TACO1: variants seen among roughly 807,000 people sequenced by gnomAD.
The protein encoded by TACO1 is translational activator of cytochrome c oxidase 1.
Under a neutral mutation model 24.0 loss-of-function variants are expected in TACO1, and 13 were observed. The ratio of observed to expected loss-of-function variants is 0.54; its 90% CI spans 0.35 to 0.86. The LOEUF (loss-of-function observed/expected upper bound fraction) is 0.86. TACO1 is among the 40% of genes least tolerant of loss of function. The pLI, the probability that TACO1 is intolerant of heterozygous loss-of-function variation, is 0.01. For synonymous variants in TACO1, 149 were observed against 153.5 expected, an observed-to-expected ratio of 0.97 and a Z score of 0.22; for missense variants, 352 against 380.1, an observed-to-expected ratio of 0.93 and a Z score of 0.61.
chr17:63,601,397 C>G (rs981541282), intron 1 of TACO1, 34 bp downstream of exon 1: 5 of 1,607,168 alleles, frequency 3.1e-6, no homozygotes, highest in Non-Finnish European at 4.2e-6. Context: ...CACTGGCTGC[C>G]GCTGCCCTCT....
chr17:63,601,295 G>T lies in TACO1; in HGVS notation c.212G>T (p.Gly71Val). 1 of 1,613,028 alleles carries T rather than the reference G, an allele frequency of 6.2e-7. No homozygotes were observed. Among genetic ancestry groups the T allele is most frequent in the Non-Finnish European group, 8.5e-7 (1 of 1,179,960 alleles). The change falls in exon 1 of 5, where the codon GGT becomes GTT. Residue 71 changes from glycine (G) to valine (V), a missense_variant. Coordinates refer to ENST00000258975, the MANE Select transcript of TACO1 (RefSeq NM_016360.4). ...NKWSKVRHIK[G>V]PKDVERSRIF... ...TGGTCCAAAGTCAGGCACATCAAGG[G>T]TCCGAAGGACGTCGAAAGGAGTCGC...
At chr17:63,603,167 C>T (rs1262256713) in intron 1 of TACO1, among the ~76,000 whole-genome samples, 6 of 151,636 alleles carry the variant, frequency 4.0e-5, no homozygotes, top group East Asian at 1.9e-4. Context: ...ACCCAGAAGG[C>T]GGCGCTTGCA....
At chr17:63,604,914 C>T (rs1033982070) in intron 2 of TACO1, among the ~76,000 whole-genome samples, 1 of 151,550 alleles carries the variant, frequency 6.6e-6, no homozygotes, top group African/African-American at 2.4e-5. Flanking sequence ...ACTGGGGAGG[C>T]TGAGGTGGAG....
intron 1 of TACO1, among the ~76,000 whole-genome samples, chr17:63,602,990 C>T (rs1317891738): frequency 6.6e-6 from 1 of 152,104 alleles, no homozygotes; most frequent in Non-Finnish European, 1.5e-5. Context: ...AATCTCAACA[C>T]TTTGGGAGGC....
intron 2 of TACO1, among the ~76,000 whole-genome samples, chr17:63,605,475 CTATG>C (rs1210587893): frequency 6.6e-6 from 1 of 152,148 alleles, no homozygotes; most frequent in Non-Finnish European, 1.5e-5. Flanking sequence ...GATAAAAACT[CTATG>C]TGTGTTATCT....
Position 63,601,241 on chromosome 17 carries a change from C to T in TACO1, c.158C>T (p.Thr53Ile). The change falls in exon 1 of 5, where the codon ACC becomes ATC. Residue 53 changes from threonine to isoleucine, a missense_variant. Thr to Ile is a moderately conservative substitution (Grantham distance 89). Transcript: ENST00000258975. ...GAAPGRTLHF[T>I]AAVPAGHNKW... is the part of the protein sequence containing the mutation. Reference sequence around the variant, plus strand: ...GCTCCGGGCAGGACGCTGCACTTTACCGCGGCTGTCCCCGCCGGGCACAAC... The same window carrying T: ...GCTCCGGGCAGGACGCTGCACTTTATCGCGGCTGTCCCCGCCGGGCACAAC... 1.2e-6 allele frequency: 2 copies of T among 1,606,570 alleles called. No individual in the cohort carries two copies. Among genetic ancestry groups the T allele is most frequent in the Non-Finnish European group, 1.7e-6 (2 of 1,177,050 alleles).
intron 2 of TACO1, among the ~76,000 whole-genome samples, chr17:63,605,364 T>A (rs2033854828): frequency 6.6e-6 from 1 of 152,110 alleles, no homozygotes; most frequent in African/African-American, 2.4e-5. Context: ...AGAGTCCACG[T>A]AAGGGTACAC....
At chr17:63,605,668 A>T (rs2033857160) in intron 2 of TACO1, among the ~76,000 whole-genome samples, 1 of 152,166 alleles carries the variant, frequency 6.6e-6, no homozygotes. Context: ...GGTGGTGGAG[A>T]CAGCAACTAT....
chr17:63,605,921 T>C (rs1490894733), intron 2 of TACO1, among the ~76,000 whole-genome samples: 1 of 152,168 alleles, frequency 6.6e-6, no homozygotes, highest in African/African-American at 2.4e-5. Flanking sequence ...AGGTGTGTGA[T>C]ATTTCACAGC....
At chr17:63,605,459 A>G (rs1187361337) in intron 2 of TACO1, among the ~76,000 whole-genome samples, 1 of 152,246 alleles carries the variant, frequency 6.6e-6, no homozygotes, top group African/African-American at 2.4e-5. Flanking sequence ...CTGCAGGCTA[A>G]GCATGGATAA....
intron 1 of TACO1, 109 bp downstream of exon 1, chr17:63,601,472 G>C: frequency 7.8e-7 from 1 of 1,275,674 alleles, no homozygotes; most frequent in African/African-American, 1.5e-5. Context: ...CCTTCACTTT[G>C]TTTTCCTTCC....
chr17:63,607,161 T>C, intron 3 of TACO1, 126 bp from the exon 4 acceptor site: 1 of 892,708 alleles, frequency 1.1e-6, no homozygotes. Flanking sequence ...GAGGATGCGA[T>C]CTGCTCCATG....
chr17:63,606,835 C>G (rs931685980), intron 3 of TACO1: 8 of 358,690 alleles, frequency 2.2e-5, no homozygotes, highest in African/African-American at 1.5e-4. Flanking sequence ...CCATGCCTGG[C>G]CATGTTTCAG....
chr17:63,608,354 T>C lies in TACO1; in HGVS notation c.*352T>C. On this transcript the variant is annotated 3_prime_UTR_variant, in exon 5 of 5. Coordinates refer to ENST00000258975, the MANE Select transcript of TACO1 (RefSeq NM_016360.4). ...CTGCTCTTAATAATAACGGTGATTA[T>C]TGGTTGCTGCATTGCTGTTGTATGG... The C allele has an allele frequency of 5.5e-6, 2 of 365,888 alleles. No individual in the cohort carries two copies. The highest frequency in any genetic ancestry group is 6.8e-5 in the East Asian group (1 of 14,728). The allele number at this position is 365,888 out of a possible 1,614,324, so 22.7% of individuals were successfully genotyped here.
Position 63,607,789 on chromosome 17 carries a change from C to G in TACO1, c.694-13C>G. 1 of 1,613,400 alleles carries G rather than the reference C, an allele frequency of 6.2e-7. No homozygotes were observed. ...TCCTGGCTCCTCACCTCCTGACTTTCCTTTATCCCTAGTTTATTTGTGATG... is the reference window on the plus strand; with the variant it reads ...TCCTGGCTCCTCACCTCCTGACTTTGCTTTATCCCTAGTTTATTTGTGATG... On this transcript the variant is annotated splice_polypyrimidine_tract_variant and intron_variant, in intron 4 of 4. Transcript: ENST00000258975.
intron 4 of TACO1, 33 bp from the exon 5 acceptor site, chr17:63,607,769 G>C: frequency 6.3e-7 from 1 of 1,599,772 alleles, no homozygotes; most frequent in African/African-American, 1.3e-5. Flanking sequence ...TTACCTCCTG[G>C]CTCCTCACCT....
intron 1 of TACO1, among the ~76,000 whole-genome samples, chr17:63,602,435 T>G (rs1417026532): frequency 6.6e-6 from 1 of 152,154 alleles, no homozygotes. Context: ...ATTCAGTTAA[T>G]GTTAATTTAC....
Position 63,601,194 on chromosome 17 carries a change from C to A in TACO1, c.111C>A (p.Pro37=). The A allele has an allele frequency of 6.4e-7, 1 of 1,561,328 alleles. No individual in the cohort carries two copies. Among genetic ancestry groups the A allele is most frequent in the Non-Finnish European group, 8.7e-7 (1 of 1,153,572 alleles). ...APPRDPRPSH[P]EPRGCGAAPG... is the part of the protein sequence containing the mutation. ...CGCGCGACCCCCGGCCCTCCCACCC[C>A]GAGCCCCGGGGCTGCGGTGCCGCTC... Residue 37 remains proline, a synonymous_variant, in exon 1 of 5, where the codon CCC becomes CCA. Transcript: ENST00000258975.
chr17:63,606,240 T>C (rs1367235807), intron 2 of TACO1, 73 bp from the exon 3 acceptor site: 1 of 1,593,178 alleles, frequency 6.3e-7, no homozygotes, highest in African/African-American at 1.3e-5. Context: ...AGTTTTGCGA[T>C]ACTTGTAGTT....
Sources: allele counts gnomAD v4.1 joint callset (sites outside exome capture counted in the v4.1 genomes callset), GRCh38; gene constraint gnomAD v4.1.1; transcripts MANE v1.5; gene names NCBI Gene and HGNC (gene_info 2026-07-23, HGNC 2026-07-21).